ZMYND8: variants seen among roughly 807,000 people sequenced by gnomAD.
ZMYND8 encodes MYND-type zinc finger-containing chromatin reader ZMYND8.
A neutral mutation model predicts 140.8 loss-of-function variants in ZMYND8; 37 were observed. The observed-to-expected ratio is 0.26, with a 90% CI of 0.20 to 0.35. The LOEUF (loss-of-function observed/expected upper bound fraction) is 0.35, where lower values mean the gene tolerates loss of function less well. Ranked by LOEUF, ZMYND8 falls within the 10% of genes least tolerant of loss-of-function variation. ZMYND8 has a pLI of 1.00. For synonymous variants in ZMYND8, 592 were observed against 597.1 expected (o/e 0.99, Z 0.12); for missense variants, 1,068 against 1,570.0 (o/e 0.68, Z 5.40).
At chr20:47,343,957 CTT>C (rs750832298) in intron 2 of ZMYND8, among the ~76,000 whole-genome samples, 7 of 119,918 alleles carry the variant, frequency 5.8e-5, no homozygotes, top group African/African-American at 1.3e-4. Flanking sequence ...AGTGATAAAT[CTT>C]TTTTTTTTTT....
chr20:47,212,621 G>A (rs766708752), intron 22 of ZMYND8, 21 bp downstream of exon 22: 41 of 1,613,250 alleles, frequency 2.5e-5, no homozygotes, highest in South Asian at 4.4e-5. Context: ...GGCAGCTTTC[G>A]TAAGACAGGT....
At chr20:47,238,451 A>T in intron 15 of ZMYND8, 2 of 457,234 alleles carry the variant, frequency 4.4e-6, no homozygotes, top group Non-Finnish European at 7.9e-6. Flanking sequence ...TGTGGAAGGG[A>T]AGAGAATGAA....
At position 47,282,233 on chromosome 20, in the gene ZMYND8, C is replaced by A; in HGVS notation, c.883-16G>T. ...GTGGATTGCTCTAGGAAAAGAAAAA[C>A]AAGATCCAGAGTTTGTACATATTTG... On this transcript the variant is annotated splice_polypyrimidine_tract_variant and intron_variant, in intron 9 of 22. Coordinates refer to ENST00000471951, the MANE Select transcript of ZMYND8 (RefSeq NM_001281775.3). The A allele has an allele frequency of 6.2e-7, 1 of 1,606,428 alleles. No individual in the cohort carries two copies. Among genetic ancestry groups the A allele is most frequent in the African/African-American group, 1.3e-5 (1 of 74,612 alleles).
chr20:47,349,305 C>T (rs1208709129), intron 1 of ZMYND8, among the ~76,000 whole-genome samples: 1 of 152,152 alleles, frequency 6.6e-6, no homozygotes, highest in East Asian at 1.9e-4. Context: ...TGATTTTGAA[C>T]CCCGTTAACA....
intron 16 of ZMYND8, among the ~76,000 whole-genome samples, chr20:47,233,096 G>A (rs568260536): frequency 2.4e-4 from 36 of 151,866 alleles, no homozygotes; most frequent in Admixed American, 2.0e-4. Context: ...TAGTAGAGAC[G>A]GGGTTCTGCC....
intron 14 of ZMYND8, among the ~76,000 whole-genome samples, chr20:47,244,187 C>A (rs780292788): frequency 5.9e-5 from 9 of 152,212 alleles, no homozygotes; most frequent in Non-Finnish European, 8.8e-5. Context: ...CCCCAAAGGA[C>A]ATGGAGTTAC....
At chr20:47,281,740 G>T (rs2076618978) in intron 10 of ZMYND8, among the ~76,000 whole-genome samples, 1 of 152,174 alleles carries the variant, frequency 6.6e-6, no homozygotes, top group African/African-American at 2.4e-5. Context: ...TTCTTTGAAA[G>T]AATGATTTGG....
Position 47,236,343 on chromosome 20 carries a change from C to A in ZMYND8, c.2839G>T (p.Ala947Ser). 3.7e-6 allele frequency: 6 copies of A among 1,614,232 alleles called. No individual in the cohort carries two copies. Among genetic ancestry groups the A allele is most frequent in the Non-Finnish European group, 5.1e-6 (6 of 1,180,044 alleles). ...TASADVAADIAKYTSKMMDAI... is the reference protein window; with the variant it reads ...TASADVAADISKYTSKMMDAI... ...CCACTCACTTTGCTAGTGTACTTGGCAATATCAGCGGCGACATCAGCTGAG... is the reference window on the plus strand; with the variant it reads ...CCACTCACTTTGCTAGTGTACTTGGAAATATCAGCGGCGACATCAGCTGAG... Residue 947 changes from alanine to serine, a missense_variant, in exon 16 of 23, where the codon GCC (alanine) becomes TCC (serine). Physicochemically the swap from Ala to Ser is moderately conservative, Grantham distance 99. This residue lies in a region of ZMYND8 where 87 missense variants were observed against 151.1 expected (regional missense o/e 0.58). Coordinates refer to ENST00000471951, the MANE Select transcript of ZMYND8 (RefSeq NM_001281775.3).
At chr20:47,339,863 A>C (rs1412921182) in intron 2 of ZMYND8, among the ~76,000 whole-genome samples, 1 of 152,164 alleles carries the variant, frequency 6.6e-6, no homozygotes, top group African/African-American at 2.4e-5. Flanking sequence ...CCCATTTACA[A>C]AAGGAAACCT....
rs148743771 is a variant in ZMYND8, at chr20:47,321,669, A to T, written c.86-11465T>A. 1.3e-3 allele frequency among the ~76,000 whole-genome samples: 197 copies of T among 152,312 alleles called. 2 individuals carry two copies. Among genetic ancestry groups the T allele is most frequent in the African/African-American group, 4.6e-3 (191 of 41,562 alleles). ...TTCAAAGAAAATAATGGGACCAGTC[A>T]GTCAACAAATAGTCACTAGGCAACA... On this transcript the variant is annotated intron_variant, in intron 2 of 22. Coordinates refer to ENST00000471951, the MANE Select transcript of ZMYND8 (RefSeq NM_001281775.3).
rs1358641293 is a variant in ZMYND8, at chr20:47,238,795, G to A, written c.2628C>T (p.Ser876=). 2.5e-6 allele frequency: 4 copies of A among 1,612,634 alleles called. No individual in the cohort carries two copies. In the East Asian group the frequency reaches 6.7e-5, roughly 27 times the overall value. ...QQNQQQQPQS[S]QGTRYQTRQA... ...GTCTGGTCTGATATCTCGTCCCCTG[G>A]GAAGACTGAGGCTGCTGCTGCTGGT... is the stretch of plus-strand genomic sequence containing the variant. Residue 876 remains serine (S), a synonymous_variant, in exon 15 of 23, where the codon TCC becomes TCT. Coordinates refer to ENST00000471951, the MANE Select transcript of ZMYND8 (RefSeq NM_001281775.3).
chr20:47,314,757 T>C (rs753682842), intron 2 of ZMYND8, among the ~76,000 whole-genome samples: 2 of 152,164 alleles, frequency 1.3e-5, no homozygotes, highest in Non-Finnish European at 2.9e-5. Flanking sequence ...TTTGAGGGGT[T>C]GGTTCAGGAC....
At chr20:47,352,658 C>T (rs2082886806) in intron 1 of ZMYND8, 2 of 528,786 alleles carry the variant, frequency 3.8e-6, no homozygotes, top group Admixed American at 1.3e-4. Context: ...AAGGTGACTG[C>T]TTTTTAGCTC....
At chr20:47,319,135 G>C (rs770941573) in intron 2 of ZMYND8, 6 of 946,116 alleles carry the variant, frequency 6.3e-6, no homozygotes, top group Non-Finnish European at 8.8e-6. Flanking sequence ...GGTCTTGTAC[G>C]CATTAGGTCG....
chr20:47,229,707 TTCATGTG>T lies in ZMYND8; in HGVS notation c.2937+12_2937+18del. 6.2e-7 allele frequency: 1 copy of T among 1,609,096 alleles called. No individual in the cohort carries two copies. The highest frequency in any genetic ancestry group is 8.5e-7 in the Non-Finnish European group (1 of 1,176,244). On this transcript the variant is annotated intron_variant, in intron 17 of 22. Coordinates refer to ENST00000471951, the MANE Select transcript of ZMYND8 (RefSeq NM_001281775.3). ...CAAAACACTCTTAGCAAATAAGAAATTCATGTGTCATCTCTGACCTCAGCTATTGTGC... is the reference window on the plus strand; with the variant it reads ...CAAAACACTCTTAGCAAATAAGAAATTCATCTCTGACCTCAGCTATTGTGC...
chr20:47,301,180 G>A (rs1411285034), intron 3 of ZMYND8, among the ~76,000 whole-genome samples: 3 of 140,856 alleles, frequency 2.1e-5, no homozygotes, highest in South Asian at 2.2e-4. Context: ...TTGAGATGGT[G>A]TTCCGCTCTT....
intron 12 of ZMYND8, among the ~76,000 whole-genome samples, chr20:47,258,438 G>A (rs1391212551): frequency 6.6e-6 from 1 of 152,048 alleles, no homozygotes; most frequent in African/African-American, 2.4e-5. Context: ...TTCACTTTTG[G>A]GAGAATACAG....
intron 8 of ZMYND8, among the ~76,000 whole-genome samples, chr20:47,286,362 G>A (rs1601603310): frequency 6.6e-6 from 1 of 151,290 alleles, no homozygotes; most frequent in Non-Finnish European, 1.5e-5. Context: ...TATTTTTAGT[G>A]GAGACGGGGT....
chr20:47,260,914 GAATC>G (rs2075107336), intron 12 of ZMYND8, among the ~76,000 whole-genome samples: 1 of 152,186 alleles, frequency 6.6e-6, no homozygotes, highest in African/African-American at 2.4e-5. Context: ...AGGATGCAAT[GAATC>G]AATCAATAAT....
Sources: gnomAD v4.1 joint callset for allele counts (sites outside exome capture counted in the v4.1 genomes callset) on GRCh38, gnomAD v4.1.1 for gene constraint, gnomAD v4.1.1 regional missense constraint, MANE v1.5 for transcripts, NCBI Gene and HGNC (gene_info 2026-07-23, HGNC 2026-07-21) for gene names.